The following MED12L variants were observed in gnomAD, a reference collection of about 807,000 sequenced individuals.
The protein encoded by MED12L is mediator complex subunit 12L.
Under a neutral mutation model 281.3 loss-of-function variants are expected in MED12L, and 60 were observed. That is an observed-to-expected ratio of 0.21 (90% CI 0.17 to 0.26). The LOEUF is 0.26. MED12L is among the 10% of genes least tolerant of loss of function. The pLI, the probability that MED12L is intolerant of heterozygous loss-of-function variation, is 1.00. For missense variants in MED12L, 2,146 were observed against 2,680.9 expected (o/e 0.80, Z 4.41); for synonymous variants, 974 against 987.2 (o/e 0.99, Z 0.25).
At chr3:151,365,311 T>A in intron 22 of MED12L, 105 bp downstream of exon 22, 1 of 911,764 alleles carries the variant, frequency 1.1e-6, no homozygotes, top group East Asian at 2.5e-5. Context: ...CATTTGGCTA[T>A]CATTTGCTTT....
chr3:151,253,671 G>A (rs1407558836), intron 16 of MED12L, among the ~76,000 whole-genome samples: 1 of 152,072 alleles, frequency 6.6e-6, no homozygotes, highest in Non-Finnish European at 1.5e-5. Context: ...GGGTGGGTGG[G>A]TATTTTGCTG....
rs1399375534 is a variant in MED12L, at chr3:151,433,657, G to C, written c.*853G>C. The C allele has an allele frequency of 6.6e-6, 1 of 152,508 alleles. No individual in the cohort carries two copies. Among genetic ancestry groups the C allele is most frequent in the Non-Finnish European group, 1.5e-5 (1 of 68,032 alleles). The allele number at this position is 152,508 out of a possible 1,614,324, so 9.4% of individuals were successfully genotyped here. On this transcript the variant is annotated 3_prime_UTR_variant, in exon 45 of 45. Coordinates refer to ENST00000687756, the MANE Select transcript of MED12L (RefSeq NM_001393769.1). ...CAGTTTTGGTTCTCCTGAACCTTAT[G>C]CCACCTTAAGGGGAAAAAAAAATCC...
intron 16 of MED12L, among the ~76,000 whole-genome samples, chr3:151,199,950 G>T (rs1725290438): frequency 6.6e-6 from 1 of 151,912 alleles, no homozygotes; most frequent in Non-Finnish European, 1.5e-5. Context: ...GGTCGCAAGA[G>T]TCTGTCTCAA....
chr3:151,273,402 A>T lies in MED12L; in HGVS notation c.2251-76657A>T, dbSNP rs376217137. 3.8e-3 allele frequency among the ~76,000 whole-genome samples: 426 copies of T among 113,434 alleles called. 2 individuals carry two copies. The highest frequency in any genetic ancestry group is 4.6e-3 in the Non-Finnish European group (263 of 57,046). 74.4% of individuals were successfully genotyped at this position (113,434 alleles called of 152,430 possible). A position where few individuals can be genotyped will look rare whatever the true frequency, so the allele number is the denominator to read the frequency against. On this transcript the variant is annotated intron_variant, in intron 16 of 44. Transcript: ENST00000687756. ...ACCACCATGCCCGGCTAATTTTTGT[A>T]TTTTTTTTTTTTTTTTTTTTAGTAG... is the stretch of plus-strand genomic sequence containing the variant.
chr3:151,106,308 T>C (rs1423420505), intron 2 of MED12L, among the ~76,000 whole-genome samples: 28 of 75,910 alleles, frequency 3.7e-4, no homozygotes, highest in African/African-American at 9.2e-4. Context: ...TCCTTTTCCT[T>C]CTCCCCTCCC....
intron 2 of MED12L, among the ~76,000 whole-genome samples, chr3:151,098,557 A>G (rs1020176496): frequency 3.3e-5 from 5 of 152,058 alleles, no homozygotes; most frequent in Non-Finnish European, 2.9e-5. Flanking sequence ...TCCACACATC[A>G]CTAATTTTTG....
chr3:151,220,566 G>C lies in MED12L; in HGVS notation c.2250+26900G>C, dbSNP rs1729145183. Among the ~76,000 whole-genome samples the C allele has an allele frequency of 2.6e-5, 4 of 152,162 alleles. No homozygotes were observed. The South Asian group carries it at 8.3e-4, about 32-fold the overall frequency. On this transcript the variant is annotated intron_variant, in intron 16 of 44. Transcript: ENST00000687756. ...GCCAGTGGGAGATGATTGAATTATGGGGGTGGGTCTTTCTGTGCTGTTCTT... is the reference window on the plus strand; with the variant it reads ...GCCAGTGGGAGATGATTGAATTATGCGGGTGGGTCTTTCTGTGCTGTTCTT...
chr3:151,246,554 A>C (rs1034780907), intron 16 of MED12L, among the ~76,000 whole-genome samples: 29 of 152,192 alleles, frequency 1.9e-4, no homozygotes, highest in South Asian at 4.1e-4. Flanking sequence ...GTGCTGGGAA[A>C]ACTGGCTAGC....
intron 8 of MED12L, among the ~76,000 whole-genome samples, chr3:151,161,948 G>A (rs796231430): frequency 1.3e-4 from 20 of 152,184 alleles, no homozygotes; most frequent in African/African-American, 4.6e-4. Context: ...TAATTGAATG[G>A]TGGATAAGGA....
In MED12L at chr3:151,380,269, G is replaced by A. The variant is rs538213298; in HGVS notation, c.4590+45G>A. 1.1e-4 allele frequency: 147 copies of A among 1,299,202 alleles called. 1 individual carries two copies. The highest frequency in any genetic ancestry group is 9.7e-4 in the South Asian group (75 of 77,322). 80.5% of individuals were successfully genotyped at this position (1,299,202 alleles called of 1,614,324 possible). A position where few individuals can be genotyped will look rare whatever the true frequency, so the allele number is the denominator to read the frequency against. ...TAAGACAGGCAAATATCTTTCTAAC[G>A]GCATTCATTTATTTGCCTTTCAAAT... On this transcript the variant is annotated intron_variant, in intron 32 of 44. Transcript: ENST00000687756.
intron 17 of MED12L, among the ~76,000 whole-genome samples, chr3:151,353,001 A>G (rs1291423501): frequency 6.6e-6 from 1 of 152,226 alleles, no homozygotes; most frequent in East Asian, 1.9e-4. Flanking sequence ...TTCGTTGAGA[A>G]TCACCACTGA....
intron 16 of MED12L, among the ~76,000 whole-genome samples, chr3:151,221,324 C>G (rs6810247): frequency 0.72 from 109,956 of 152,108 alleles, 39,913 homozygotes; most frequent in Non-Finnish European, 0.76. Context: ...CATCTTCTGA[C>G]GAGAAGTTCA....
At chr3:151,352,208 C>T (rs1032766581) in intron 17 of MED12L, among the ~76,000 whole-genome samples, 1 of 152,038 alleles carries the variant, frequency 6.6e-6, no homozygotes, top group Admixed American at 6.6e-5. Context: ...TTGACTGTGA[C>T]CTGTTATGTG....
chr3:151,366,894 A>G (rs1233480221), intron 23 of MED12L, among the ~76,000 whole-genome samples: 1 of 152,178 alleles, frequency 6.6e-6, no homozygotes, highest in Non-Finnish European at 1.5e-5. Context: ...TACCTTCTGC[A>G]ATTCCTCATC....
intron 39 of MED12L, among the ~76,000 whole-genome samples, chr3:151,398,801 G>C (rs1715294730): frequency 6.6e-6 from 1 of 152,118 alleles, no homozygotes; most frequent in South Asian, 2.1e-4. Context: ...GACCAAACCT[G>C]ATATGGACCA....
intron 16 of MED12L, among the ~76,000 whole-genome samples, chr3:151,340,305 G>T (rs1209615659): frequency 6.6e-6 from 1 of 152,112 alleles, no homozygotes; most frequent in Non-Finnish European, 1.5e-5. Flanking sequence ...GAGAATTTCA[G>T]CTCCCTTTAT....
At chr3:151,405,161 G>GT (rs1428341125) in intron 39 of MED12L, among the ~76,000 whole-genome samples, 1 of 152,138 alleles carries the variant, frequency 6.6e-6, no homozygotes, top group Non-Finnish European at 1.5e-5. Context: ...TTCTTTAGAA[G>GT]TTTTTTAAAA....
At chr3:151,246,292 A>T (rs1205564759) in intron 16 of MED12L, among the ~76,000 whole-genome samples, 6 of 152,144 alleles carry the variant, frequency 3.9e-5, no homozygotes, top group Middle Eastern at 3.2e-3. Context: ...TATGGAACCA[A>T]AAAAGAGCCC....
Position 151,430,364 on chromosome 3 carries a change from C to G in MED12L, c.6474C>G (p.Leu2158=), listed in dbSNP as rs202137538. 115 of 1,613,902 alleles carry G rather than the reference C, an allele frequency of 7.1e-5. No homozygotes were observed. Among genetic ancestry groups the G allele is most frequent in the Admixed American group, 1.2e-4 (7 of 60,000 alleles). Residue 2158 remains leucine, a synonymous_variant, in exon 44 of 45, where the codon CTC becomes CTG. Coordinates refer to ENST00000687756, the MANE Select transcript of MED12L (RefSeq NM_001393769.1). ...QQQTAALVRQ[L]QKQLSSNQPQ... ...AGACGGCCGCCTTGGTGCGGCAGCT[C>G]CAGAAGCAGCTTTCCAGTAAGTACC...
Sources: gnomAD v4.1 joint callset for allele counts (sites outside exome capture counted in the v4.1 genomes callset) on GRCh38, gnomAD v4.1.1 for gene constraint, MANE v1.5 for transcripts, NCBI Gene and HGNC (gene_info 2026-07-23, HGNC 2026-07-21) for gene names.